DEDD: variants seen among roughly 807,000 people sequenced by gnomAD.
DEDD encodes the protein death effector domain-containing protein.
A neutral mutation model predicts 29.2 loss-of-function variants in DEDD; 3 were observed. The observed-to-expected ratio is 0.10, with a 90% CI of 0.05 to 0.27. The LOEUF is 0.27. DEDD is among the 10% of genes least tolerant of loss of function. The probability of loss-of-function intolerance (pLI) is 1.00; values close to 1 mark genes in which losing one functional copy is unlikely to be tolerated. For synonymous variants in DEDD, 152 were observed against 161.3 expected, an observed-to-expected ratio of 0.94 and a Z score of 0.44; for missense variants, 261 against 420.5, an observed-to-expected ratio of 0.62 and a Z score of 3.32.
Position 161,122,024 on chromosome 1 carries a change from TAAAAA to T in DEDD, c.*118_*122del. ...TTCCACTTTCTTTTGTCTTTTTCTT[TAAAAA>T]AAAAAAAAAAAAGGCAGGGGTGTGA... On this transcript the variant is annotated 3_prime_UTR_variant, in exon 6 of 6. Coordinates refer to ENST00000368006, the MANE Select transcript of DEDD (RefSeq NM_032998.3). The surrounding 1 kb of genome is among the most constrained non-coding windows in gnomAD (Gnocchi z 4.2). The T allele has an allele frequency of 3.7e-6, 4 of 1,068,100 alleles. No individual in the cohort carries two copies. The highest frequency in any genetic ancestry group is 3.8e-6 in the Non-Finnish European group (3 of 781,888). 66.2% of individuals were successfully genotyped at this position (1,068,100 alleles called of 1,614,324 possible). A position where few individuals can be genotyped will look rare whatever the true frequency, so the allele number is the denominator to read the frequency against.
Position 161,122,598 on chromosome 1 carries a change from A to G in DEDD, c.581-75T>C. On this transcript the variant is annotated intron_variant, in intron 5 of 5. Coordinates refer to ENST00000368006, the MANE Select transcript of DEDD (RefSeq NM_032998.3). The surrounding 1 kb of genome is among the most constrained non-coding windows in gnomAD (Gnocchi z 4.2). ...GTTTACAAGCCAAGCTTGAAAACTG[A>G]AAAGCACAACAGAATAAAAAAGTAG... is the stretch of plus-strand genomic sequence containing the variant. 1.3e-6 allele frequency: 2 copies of G among 1,536,630 alleles called. No individual in the cohort carries two copies. The highest frequency in any genetic ancestry group is 4.5e-5 in the East Asian group (2 of 44,170).
Position 161,124,160 on chromosome 1 carries a change from G to A in DEDD, c.303C>T (p.Val101=). ...CACCAGCCCGTCTCCTCTTGAGGGT[G>A]ACGTAGGGCAGCAGGTCGTGGCGAG... The part of the protein sequence containing the change: ...IITRHDLLPY[V]TLKRRRAVCP... The change falls in exon 3 of 6, where the codon GTC becomes GTT. Residue 101 remains valine, a synonymous_variant. Coordinates refer to ENST00000368006, the MANE Select transcript of DEDD (RefSeq NM_032998.3). 1.9e-6 allele frequency: 3 copies of A among 1,613,642 alleles called. No homozygotes were observed. Among genetic ancestry groups the A allele is most frequent in the South Asian group, 1.1e-5 (1 of 91,064 alleles).
chr1:161,124,376 C>T lies in DEDD; in HGVS notation c.87G>A (p.Met29Ile). 1.2e-6 allele frequency: 2 copies of T among 1,614,160 alleles called. No homozygotes were observed. Among genetic ancestry groups the T allele is most frequent in the Non-Finnish European group, 1.7e-6 (2 of 1,180,052 alleles). Residue 29 changes from methionine (M) to isoleucine (I), a missense_variant, in exon 3 of 6, where the codon ATG becomes ATA. This residue lies in a region of DEDD where 203 missense variants were observed against 268.7 expected (regional missense o/e 0.76). Transcript: ENST00000368006. Reference protein sequence around the residue: ...QEHGLYSLHRMFDIVGTHLTH... With the variant: ...QEHGLYSLHRIFDIVGTHLTH... ...TCAGATGAGTGCCCACGATGTCAAA[C>T]ATGCGGTGCAGGCTGTACAGCCCAT...
In DEDD at chr1:161,124,527, C is replaced by T; in HGVS notation, c.-64-1G>A. 1 of 1,546,134 alleles carries T rather than the reference C, an allele frequency of 6.5e-7. No individual in the cohort carries two copies. Among genetic ancestry groups the T allele is most frequent in the Non-Finnish European group, 8.7e-7 (1 of 1,143,208 alleles). ...CTCAGCAGCTGCAATCCCCACCGTA[C>T]TGAAAGGGCAGGGAAAGAACCGATG... On this transcript the variant is annotated splice_acceptor_variant, in intron 2 of 5. Transcript: ENST00000368006. LOFTEE classifies it low-confidence loss of function (5UTR_SPLICE).
chr1:161,126,936 TG>T (rs1198214177), intron 2 of DEDD, among the ~76,000 whole-genome samples: 1 of 152,172 alleles, frequency 6.6e-6, no homozygotes, highest in Non-Finnish European at 1.5e-5. Context: ...TACACCCCCA[TG>T]CAGAGATAAG....
intron 2 of DEDD, chr1:161,125,577 C>G (rs1349945899): frequency 6.6e-6 from 1 of 152,176 alleles, no homozygotes; most frequent in Non-Finnish European, 1.5e-5. Context: ...TCTCGGCTCA[C>G]TGCAACCTCC....
Position 161,121,002 on chromosome 1 carries a change from T to C in DEDD, c.*1145A>G. The C allele has an allele frequency of 7.2e-7, 1 of 1,390,074 alleles. No individual in the cohort carries two copies. The allele number at this position is 1,390,074 out of a possible 1,614,324, so 86.1% of individuals were successfully genotyped here. ...TTTTATATAGTCATTGTTTATTTCA[T>C]GGAAACTGAAGTTCTGCTGAGGGCT... On this transcript the variant is annotated 3_prime_UTR_variant, in exon 6 of 6. Coordinates refer to ENST00000368006, the MANE Select transcript of DEDD (RefSeq NM_032998.3).
chr1:161,124,144 G>A lies in DEDD; in HGVS notation c.319C>T (p.Arg107Trp), dbSNP rs139874657. The A allele has an allele frequency of 6.8e-6, 11 of 1,610,946 alleles. No individual in the cohort carries two copies. In the East Asian group the frequency reaches 8.9e-5, roughly 13 times the overall value. ...GCCCCTAATACTTCCTCACCAGCCC[G>A]TCTCCTCTTGAGGGTGACGTAGGGC... The part of the protein sequence containing the change: ...LLPYVTLKRR[R>W]AVCPDLVDKY... Residue 107 changes from arginine (R) to tryptophan (W), a missense_variant, in exon 3 of 6, where the codon CGG becomes TGG. Transcript: ENST00000368006.
chr1:161,123,206 G>A lies in DEDD; in HGVS notation c.449C>T (p.Pro150Leu). 1 of 1,613,906 alleles carries A rather than the reference G, an allele frequency of 6.2e-7. No homozygotes were observed. Among genetic ancestry groups the A allele is most frequent in the Non-Finnish European group, 8.5e-7 (1 of 1,179,798 alleles). ...ACCCGAAGTGGGGCAACACACCACA[G>A]GATAGTGGGGAGGCACTGACCAGAA... is the stretch of plus-strand genomic sequence containing the variant. ...QPSKTVPPHY[P>L]VVCCPTSGPQ... Residue 150 changes from proline to leucine, a missense_variant, in exon 5 of 6, where the codon CCT becomes CTT. Pro to Leu is a moderately conservative substitution (Grantham distance 98). Coordinates refer to ENST00000368006, the MANE Select transcript of DEDD (RefSeq NM_032998.3).
Position 161,122,186 on chromosome 1 carries a change from C to T in DEDD, c.918G>A (p.Gln306=), listed in dbSNP as rs1386094916. 1 of 1,614,050 alleles carries T rather than the reference C, an allele frequency of 6.2e-7. No homozygotes were observed. ...GCAGCATCAAGTTCCTCAGGAGTTT[C>T]TGTCGGCCCAGCTCATAGTCCTCCT... The part of the protein sequence containing the change: ...VDEEDYELGR[Q]KLLRNLMLQA... Residue 306 remains glutamine, a synonymous_variant, in exon 6 of 6, where the codon CAG becomes CAA. Transcript: ENST00000368006. The surrounding 1 kb of genome is among the most constrained non-coding windows in gnomAD (Gnocchi z 4.2).
chr1:161,123,363 G>C (rs1655747026), intron 4 of DEDD, 142 bp from the exon 5 acceptor site: 3 of 835,498 alleles, frequency 3.6e-6, no homozygotes, highest in Non-Finnish European at 5.6e-6. Flanking sequence ...TGTGAGACCA[G>C]GTGCAGTGGC....
chr1:161,124,503 T>C lies in DEDD; in HGVS notation c.-41A>G, dbSNP rs760896666. 1.9e-6 allele frequency: 3 copies of C among 1,567,242 alleles called. No homozygotes were observed. The East Asian group carries it at 6.8e-5, about 35-fold the overall frequency. The stretch of plus-strand genomic sequence containing the variant: ...ACGCAATGCTTTCCAGAATCCCTGC[T>C]CAGCAGCTGCAATCCCCACCGTACT... On this transcript the variant is annotated 5_prime_UTR_variant, in exon 3 of 6. An upstream open reading frame in the 5' UTR loses its in-frame stop. Transcript: ENST00000368006.
intron 2 of DEDD, among the ~76,000 whole-genome samples, chr1:161,129,178 T>C (rs1226010995): frequency 6.6e-6 from 1 of 152,240 alleles, no homozygotes; most frequent in African/African-American, 2.4e-5. Context: ...AATATGTAAG[T>C]TCCTCAAGGC....
Position 161,121,928 on chromosome 1 carries a change from G to A in DEDD, c.*219C>T, listed in dbSNP as rs539808616. 1.1e-5 allele frequency: 6 copies of A among 564,740 alleles called. No individual in the cohort carries two copies. Among genetic ancestry groups the A allele is most frequent in the South Asian group, 2.4e-5 (1 of 41,478 alleles). 35.0% of individuals were successfully genotyped at this position (564,740 alleles called of 1,614,324 possible). A position where few individuals can be genotyped will look rare whatever the true frequency, so the allele number is the denominator to read the frequency against. ...TAAGGTAGCTGTAGAGACACATTAC[G>A]GGGTAAATGGAAAAGGGAAATAAAG... On this transcript the variant is annotated 3_prime_UTR_variant, in exon 6 of 6. Coordinates refer to ENST00000368006, the MANE Select transcript of DEDD (RefSeq NM_032998.3).
chr1:161,121,224 A>G lies in DEDD; in HGVS notation c.*923T>C, dbSNP rs1176785606. The stretch of plus-strand genomic sequence containing the variant: ...ATGTCCCAGCCCCATTCTCCCAAGC[A>G]TGGGAGTGGGCGTAGGAGTGGAGGA... On this transcript the variant is annotated 3_prime_UTR_variant, in exon 6 of 6. Coordinates refer to ENST00000368006, the MANE Select transcript of DEDD (RefSeq NM_032998.3). The G allele has an allele frequency of 1.0e-6, 1 of 980,732 alleles. No individual in the cohort carries two copies. The highest frequency in any genetic ancestry group is 1.8e-5 in the African/African-American group (1 of 56,974). The allele number at this position is 980,732 out of a possible 1,614,324, so 60.8% of individuals were successfully genotyped here.
intron 2 of DEDD, chr1:161,125,077 G>A (rs1344814958): frequency 6.6e-6 from 1 of 152,202 alleles, no homozygotes; most frequent in Non-Finnish European, 1.5e-5. Flanking sequence ...GTGACAGAGT[G>A]AGTCCCCCAT....
intron 2 of DEDD, among the ~76,000 whole-genome samples, chr1:161,127,791 G>C (rs972597255): frequency 1.2e-4 from 18 of 152,164 alleles, no homozygotes; most frequent in African/African-American, 4.1e-4. Flanking sequence ...CAGAGCCCCT[G>C]CAACTTCTCT....
In DEDD at chr1:161,124,269, C is replaced by T. The variant is rs745459751; in HGVS notation, c.194G>A (p.Arg65His). ...DHERGLIRNG[R>H]DFLLALERQG... ...GCGCTCCAGTGCCAATAAGAAGTCA[C>T]GTCCATTTCGGATGAGTCCACGCTC... The change falls in exon 3 of 6, where the codon CGT becomes CAT. Residue 65 changes from arginine (R) to histidine (H), a missense_variant. Arg to His is a conservative substitution (Grantham distance 29). Around this residue, in one of 2 missense-constraint regions of DEDD, gnomAD observed 203 missense variants for 268.7 expected, o/e 0.76. Transcript: ENST00000368006. The T allele has an allele frequency of 2.5e-6, 4 of 1,614,240 alleles. No individual in the cohort carries two copies. The highest frequency in any genetic ancestry group is 2.2e-5 in the South Asian group (2 of 91,088).
intron 2 of DEDD, among the ~76,000 whole-genome samples, chr1:161,125,635 G>C (rs1656084586): frequency 6.6e-6 from 1 of 152,108 alleles, no homozygotes. Flanking sequence ...CCAAGTAGCT[G>C]GGATTACAGG....
Sources: allele counts gnomAD v4.1 joint callset (sites outside exome capture counted in the v4.1 genomes callset), GRCh38; gene constraint gnomAD v4.1.1; regional missense constraint gnomAD v4.1.1; non-coding constraint Gnocchi (gnomAD v3.1); transcripts MANE v1.5; gene names NCBI Gene and HGNC (gene_info 2026-07-23, HGNC 2026-07-21).